Variants in NT5C2 observed in about 807,000 individuals in gnomAD.
NT5C2 encodes cytosolic purine 5'-nucleotidase.
In NT5C2, 58 loss-of-function variants were observed where a neutral mutation model predicts 76.1. The observed-to-expected ratio is 0.76, with a 90% CI of 0.62 to 0.95. NT5C2 has a LOEUF of 0.95. Ranked by LOEUF, NT5C2 falls within the 40% of genes least tolerant of loss-of-function variation. The pLI is 0.00. For synonymous variants in NT5C2, 229 were observed against 237.4 expected, an observed-to-expected ratio of 0.96 and a Z score of 0.32; for missense variants, 478 against 690.3, an observed-to-expected ratio of 0.69 and a Z score of 3.45.
chr10:103,107,417 G>A (rs1480986961), intron 4 of NT5C2, among the ~76,000 whole-genome samples: 1 of 152,220 alleles, frequency 6.6e-6, no homozygotes, highest in Non-Finnish European at 1.5e-5. Flanking sequence ...GCTCATGCCT[G>A]TAGTTCCAGC....
intron 14 of NT5C2, 80 bp from the exon 15 acceptor site, chr10:103,093,389 T>C: frequency 1.7e-6 from 2 of 1,200,780 alleles, no homozygotes; most frequent in Non-Finnish European, 2.3e-6. Context: ...CATTAAATAC[T>C]ATGATTCATT....
intron 4 of NT5C2, among the ~76,000 whole-genome samples, chr10:103,128,104 C>A (rs917141418): frequency 6.6e-6 from 1 of 150,844 alleles, no homozygotes; most frequent in Non-Finnish European, 1.5e-5. Flanking sequence ...TCCCTCTCCC[C>A]ACGGTCTCCC....
intron 3 of NT5C2, among the ~76,000 whole-genome samples, chr10:103,157,377 C>T (rs1391395898): frequency 6.6e-6 from 1 of 152,044 alleles, no homozygotes; most frequent in African/African-American, 2.4e-5. Context: ...ATGAGTTAAT[C>T]AACTGAAGCA....
chr10:103,101,466 T>A (rs1234522546), intron 6 of NT5C2, 140 bp from the exon 7 acceptor site: 1 of 502,540 alleles, frequency 2.0e-6, no homozygotes, highest in African/African-American at 2.0e-5. Flanking sequence ...TGGATAGCTA[T>A]GAAGATGAAC....
chr10:103,180,558 G>A (rs906775828), intron 2 of NT5C2, among the ~76,000 whole-genome samples: 3 of 152,114 alleles, frequency 2.0e-5, no homozygotes, highest in South Asian at 4.2e-4. Flanking sequence ...ATGGCAAAAT[G>A]CAGTCTTTAC....
Position 103,089,177 on chromosome 10 carries a change from T to G in NT5C2, c.*495A>C, listed in dbSNP as rs939238151. On this transcript the variant is annotated 3_prime_UTR_variant, in exon 19 of 19. Transcript: ENST00000404739. ...GAATTAAAGGCTTATAAAAGAAAACTTGACCTTAACAGAGACTACATTTGA... is the reference window on the plus strand; with the variant it reads ...GAATTAAAGGCTTATAAAAGAAAACGTGACCTTAACAGAGACTACATTTGA... 8.9e-6 allele frequency: 2 copies of G among 225,020 alleles called. No individual in the cohort carries two copies. The highest frequency in any genetic ancestry group is 3.7e-4 in the South Asian group (2 of 5,472). 13.9% of individuals were successfully genotyped at this position (225,020 alleles called of 1,614,324 possible). A position where few individuals can be genotyped will look rare whatever the true frequency, so the allele number is the denominator to read the frequency against.
intron 3 of NT5C2, among the ~76,000 whole-genome samples, chr10:103,150,615 C>G (rs1404929467): frequency 6.6e-6 from 1 of 152,160 alleles, no homozygotes; most frequent in Non-Finnish European, 1.5e-5. Flanking sequence ...CTCTTTTGCA[C>G]TCTTATCAGC....
chr10:103,098,277 G>A, intron 10 of NT5C2: 1 of 277,404 alleles, frequency 3.6e-6, no homozygotes, highest in Non-Finnish European at 6.9e-6. Flanking sequence ...AATTAACATT[G>A]GTACAATACT....
At chr10:103,165,473 A>C (rs1439911207) in intron 3 of NT5C2, among the ~76,000 whole-genome samples, 1 of 151,708 alleles carries the variant, frequency 6.6e-6, no homozygotes, top group Non-Finnish European at 1.5e-5. Context: ...AGCTGGGGCA[A>C]CAAGAGCAAA....
At chr10:103,100,943 A>C in intron 8 of NT5C2, 102 bp downstream of exon 8, 1 of 761,096 alleles carries the variant, frequency 1.3e-6, no homozygotes, top group Non-Finnish European at 2.3e-6. Context: ...CACTAAATTC[A>C]CTTTAGAAAA....
rs1170172230 is a variant in NT5C2 at position 103,116,566 on chromosome 10, ATTTTTTTCTTTTT to A, written c.176-9873_176-9861del. On this transcript the variant is annotated intron_variant, in intron 4 of 18. Transcript: ENST00000404739. ...GCTTCCAAATTAAGGGCTGCTTCAG[ATTTTTTTCTTTTT>A]TTTTTTTCTTTTTTTTTTTTTGCTC... Among the ~76,000 whole-genome samples the A allele has an allele frequency of 3.4e-3, 479 of 142,374 alleles. 3 individuals are homozygous for A. The highest frequency in any genetic ancestry group is 0.012 in the African/African-American group (450 of 38,252). 93.4% of individuals were successfully genotyped at this position (142,374 alleles called of 152,430 possible). A position where few individuals can be genotyped will look rare whatever the true frequency, so the allele number is the denominator to read the frequency against.
intron 6 of NT5C2, among the ~76,000 whole-genome samples, chr10:103,105,187 G>A (rs2070896724): frequency 6.6e-6 from 1 of 151,856 alleles, no homozygotes; most frequent in South Asian, 2.1e-4. Flanking sequence ...AATATTATTA[G>A]CACATATTCA....
intron 4 of NT5C2, among the ~76,000 whole-genome samples, chr10:103,136,766 A>G (rs2079360297): frequency 6.6e-6 from 1 of 151,972 alleles, no homozygotes; most frequent in African/African-American, 2.4e-5. Flanking sequence ...CTGAGACTAC[A>G]GGCACGTACC....
chr10:103,171,170 A>T (rs2087885317), intron 3 of NT5C2, among the ~76,000 whole-genome samples: 1 of 152,208 alleles, frequency 6.6e-6, no homozygotes, highest in Admixed American at 6.5e-5. Flanking sequence ...AACACCCAGA[A>T]ATGCCACAGT....
At chr10:103,181,369 C>T (rs1231698775) in intron 1 of NT5C2, 41 bp from the exon 2 acceptor site, 4 of 150,668 alleles carry the variant, frequency 2.7e-5, no homozygotes, top group Non-Finnish European at 5.9e-5. Flanking sequence ...ACAGGCAAAA[C>T]ATGCACAGTC....
At chr10:103,107,495 T>C (rs1462591663) in intron 4 of NT5C2, among the ~76,000 whole-genome samples, 1 of 151,706 alleles carries the variant, frequency 6.6e-6, no homozygotes, top group African/African-American at 2.4e-5. Flanking sequence ...ACCAACATGG[T>C]GAAACCCCCG....
chr10:103,147,529 T>G (rs2081686600), intron 3 of NT5C2, among the ~76,000 whole-genome samples: 1 of 152,216 alleles, frequency 6.6e-6, no homozygotes, highest in South Asian at 2.1e-4. Flanking sequence ...ACTTTTCTAC[T>G]TAATGAAAGA....
At chr10:103,135,952 TG>T (rs1028149243) in intron 4 of NT5C2, among the ~76,000 whole-genome samples, 7 of 151,616 alleles carry the variant, frequency 4.6e-5, no homozygotes, top group Non-Finnish European at 7.4e-5. Flanking sequence ...CTGGGTGTGG[TG>T]GTGGGCACCT....
chr10:103,103,467 A>C (rs368822354), intron 6 of NT5C2, among the ~76,000 whole-genome samples: 66 of 152,350 alleles, frequency 4.3e-4, no homozygotes, highest in African/African-American at 1.4e-3. Context: ...CCATCATTAA[A>C]GAAAAATTCC....
Sources: gnomAD v4.1 joint callset for allele counts (sites outside exome capture counted in the v4.1 genomes callset) on GRCh38, gnomAD v4.1.1 for gene constraint, MANE v1.5 for transcripts, NCBI Gene and HGNC (gene_info 2026-07-23, HGNC 2026-07-21) for gene names.